CSMD1: variants seen among roughly 807,000 people sequenced by gnomAD.
CSMD1 encodes the protein CUB and Sushi multiple domains 1.
Under a neutral mutation model 417.5 loss-of-function variants are expected in CSMD1, and 213 were observed. That is an observed-to-expected ratio of 0.51 (90% CI 0.46 to 0.57). CSMD1 has a LOEUF of 0.57. Among genes scored for constraint, CSMD1 ranks in the 20% least tolerant of loss-of-function variants. The pLI, the probability that CSMD1 is intolerant of heterozygous loss-of-function variation, is 0.00. For synonymous variants in CSMD1, 2,862 were observed against 1,736.8 expected (o/e 1.65, Z -16.11); for missense variants, 6,923 against 4,529.7 (o/e 1.53, Z -15.17).
chr8:4,437,795 T>C (rs1209927073), intron 2 of CSMD1, among the ~76,000 whole-genome samples: 1 of 152,200 alleles, frequency 6.6e-6, no homozygotes, highest in Non-Finnish European at 1.5e-5. Flanking sequence ...CTATGGGAAC[T>C]TCATAGGCCG....
intron 2 of CSMD1, among the ~76,000 whole-genome samples, chr8:4,606,357 A>G (rs1563328726): frequency 6.9e-6 from 1 of 144,332 alleles, no homozygotes; most frequent in Non-Finnish European, 1.5e-5. Context: ...ACAGGGAGAG[A>G]AAAAAAAAAA....
intron 2 of CSMD1, among the ~76,000 whole-genome samples, chr8:4,493,475 T>C (rs1444284851): frequency 6.6e-6 from 1 of 152,034 alleles, no homozygotes; most frequent in African/African-American, 2.4e-5. Flanking sequence ...GCAAGAGGAT[T>C]GCTTGAGTCC....
chr8:4,391,652 G>A (rs188270385), intron 3 of CSMD1, among the ~76,000 whole-genome samples: 1 of 152,026 alleles, frequency 6.6e-6, no homozygotes, highest in African/African-American at 2.4e-5. Flanking sequence ...GTTGACTGGT[G>A]AGAAGTGGGA....
At chr8:4,818,081 G>T (rs923479674) in intron 1 of CSMD1, among the ~76,000 whole-genome samples, 1 of 152,290 alleles carries the variant, frequency 6.6e-6, no homozygotes, top group Non-Finnish European at 1.5e-5. Context: ...TCAGGAGGAT[G>T]CATTGAACTG....
At position 3,807,463 on chromosome 8, in the gene CSMD1, G is replaced by T. The variant is rs181371672; in HGVS notation, c.819-53421C>A. ...TGTGTAATGAAAGGCAAAGATCACT[G>T]AGCCAGAAATGTCAAGTTATCTTTG... On this transcript the variant is annotated intron_variant, in intron 5 of 69. Transcript: ENST00000635120. Among the ~76,000 whole-genome samples the T allele has an allele frequency of 3.0e-3, 462 of 152,196 alleles. 2 individuals are homozygous for T. Among genetic ancestry groups the T allele is most frequent in the African/African-American group, 0.01 (436 of 41,544 alleles).
At chr8:4,673,916 G>C (rs757490040) in intron 1 of CSMD1, among the ~76,000 whole-genome samples, 35 of 152,004 alleles carry the variant, frequency 2.3e-4, no homozygotes, top group Non-Finnish European at 2.8e-4. Flanking sequence ...GGTTTGGGAG[G>C]ATAGATAAAA....
intron 26 of CSMD1, chr8:3,278,787 G>C (rs1802507857): frequency 6.6e-6 from 1 of 152,070 alleles, no homozygotes; most frequent in Non-Finnish European, 1.5e-5. Flanking sequence ...ACTTTGTGAA[G>C]AGTTTCCCAC....
rs184659896 is a variant in CSMD1, at chr8:4,902,776, G to C, written c.85+91556C>G. 2.3e-3 allele frequency among the ~76,000 whole-genome samples: 351 copies of C among 151,994 alleles called. 3 individuals are homozygous for C. Among genetic ancestry groups the C allele is most frequent in the African/African-American group, 7.9e-3 (329 of 41,500 alleles). On this transcript the variant is annotated intron_variant, in intron 1 of 69. Coordinates refer to ENST00000635120, the MANE Select transcript of CSMD1 (RefSeq NM_033225.6). ...CTGGCCTCTGTAGCTTATCTGCCCAGGCAGTAAACACAGTTACCAGGTTCA... is the reference window on the plus strand; with the variant it reads ...CTGGCCTCTGTAGCTTATCTGCCCACGCAGTAAACACAGTTACCAGGTTCA...
intron 1 of CSMD1, among the ~76,000 whole-genome samples, chr8:4,938,862 G>C (rs1246224121): frequency 6.6e-6 from 1 of 152,178 alleles, no homozygotes; most frequent in African/African-American, 2.4e-5. Flanking sequence ...ATGTTACTCA[G>C]TGGTTTTAAT....
chr8:3,284,659 T>G (rs914125377), intron 25 of CSMD1: 10 of 301,940 alleles, frequency 3.3e-5, no homozygotes, highest in Admixed American at 9.3e-5. Flanking sequence ...TAATTTAAGC[T>G]TTCTACGGCA....
chr8:4,083,450 G>A (rs984807327), intron 3 of CSMD1, among the ~76,000 whole-genome samples: 17 of 152,076 alleles, frequency 1.1e-4, no homozygotes, highest in African/African-American at 4.1e-4. Flanking sequence ...ATACTACAAG[G>A]CTACAGTAAC....
At chr8:3,900,186 G>A (rs1038681292) in intron 5 of CSMD1, among the ~76,000 whole-genome samples, 6 of 151,354 alleles carry the variant, frequency 4.0e-5, no homozygotes, top group Admixed American at 1.3e-4. Context: ...GTGTAGCTGG[G>A]TAACAGTGCA....
intron 1 of CSMD1, among the ~76,000 whole-genome samples, chr8:4,659,018 G>A (rs751273428): frequency 5.9e-5 from 9 of 152,116 alleles, no homozygotes; most frequent in Non-Finnish European, 1.2e-4. Flanking sequence ...AGGGAAATGA[G>A]AGGGAAGTCA....
chr8:4,331,056 T>C (rs961060700), intron 3 of CSMD1, among the ~76,000 whole-genome samples: 11 of 152,204 alleles, frequency 7.2e-5, no homozygotes, highest in Admixed American at 4.6e-4. Flanking sequence ...TAACTATTTC[T>C]TCATAATTTT....
intron 3 of CSMD1, among the ~76,000 whole-genome samples, chr8:4,269,768 T>A (rs1222723935): frequency 6.6e-6 from 1 of 152,190 alleles, no homozygotes; most frequent in Admixed American, 6.5e-5. Flanking sequence ...TACATCTTCA[T>A]AAAAAAGCAT....
chr8:3,560,446 A>T (rs1799420907), intron 10 of CSMD1, among the ~76,000 whole-genome samples: 1 of 152,138 alleles, frequency 6.6e-6, no homozygotes, highest in Non-Finnish European at 1.5e-5. Context: ...TCAAGATGGG[A>T]TCCCAGGTCT....
intron 2 of CSMD1, among the ~76,000 whole-genome samples, chr8:4,609,622 TA>T (rs1398834661): frequency 1.3e-5 from 2 of 152,172 alleles, no homozygotes; most frequent in Non-Finnish European, 2.9e-5. Flanking sequence ...CAAAATGGCA[TA>T]TTTTTGACAT....
In CSMD1 at chr8:3,640,814, A is replaced by G. The variant is rs58913427; in HGVS notation, c.1010-24017T>C. ...GACGGCCTCACAGAGGGATGGAAAG[A>G]CCAGAGCAGGGCCTTAGTCCATGGA... On this transcript the variant is annotated intron_variant, in intron 7 of 69. Transcript: ENST00000635120. 0.012 allele frequency among the ~76,000 whole-genome samples: 1,788 copies of G among 152,160 alleles called. 53 individuals carry two copies. The East Asian group carries it at 0.13, about 11-fold the overall frequency.
At chr8:4,459,515 T>A (rs997420843) in intron 2 of CSMD1, among the ~76,000 whole-genome samples, 1 of 152,134 alleles carries the variant, frequency 6.6e-6, no homozygotes, top group Admixed American at 6.5e-5. Context: ...AAATGGAAAT[T>A]GTGAGGATAA....
Sources: gnomAD v4.1 joint callset for allele counts (sites outside exome capture counted in the v4.1 genomes callset) on GRCh38, gnomAD v4.1.1 for gene constraint, MANE v1.5 for transcripts, NCBI Gene and HGNC (gene_info 2026-07-23, HGNC 2026-07-21) for gene names.